Variants in SYT12 observed in about 807,000 individuals in gnomAD.
The protein encoded by SYT12 is synaptotagmin-12.
In SYT12, 27 loss-of-function variants were observed where a neutral mutation model predicts 39.5. The observed-to-expected ratio is 0.68, with a 90% CI of 0.50 to 0.94. SYT12 has a LOEUF of 0.94. SYT12 is among the 40% of genes least tolerant of loss of function. SYT12 has a pLI of 0.00. For synonymous variants in SYT12, 233 were observed against 239.7 expected (o/e 0.97, Z 0.26); for missense variants, 536 against 572.6 (o/e 0.94, Z 0.65).
At chr11:67,033,129 T>C (rs1358472890) in intron 2 of SYT12, among the ~76,000 whole-genome samples, 1 of 152,026 alleles carries the variant, frequency 6.6e-6, no homozygotes, top group African/African-American at 2.4e-5. Flanking sequence ...GGAACTCCTC[T>C]AGCCCCGGGT....
chr11:67,020,947 T>C (rs2136198900), upstream of SYT12, among the ~76,000 whole-genome samples: 1 of 152,324 alleles, frequency 6.6e-6, no homozygotes, highest in African/African-American at 2.4e-5. Context: ...CAGGCTGGTC[T>C]CGAACTCCTG....
chr11:67,022,292 C>A (rs1411659537), upstream of SYT12, among the ~76,000 whole-genome samples: 1 of 151,834 alleles, frequency 6.6e-6, no homozygotes, highest in Non-Finnish European at 1.5e-5. Context: ...GCACTGCCAC[C>A]CTTGCACACT....
intron 3 of SYT12, among the ~76,000 whole-genome samples, chr11:67,036,109 G>A (rs975230325): frequency 3.3e-5 from 5 of 151,432 alleles, no homozygotes; most frequent in African/African-American, 1.2e-4. Flanking sequence ...GTAGAGACGG[G>A]GTTTCACCAT....
At position 67,034,672 on chromosome 11, in the gene SYT12, T is replaced by C. The variant is rs748716248; in HGVS notation, c.62T>C (p.Val21Ala). 2 of 1,595,632 alleles carry C rather than the reference T, an allele frequency of 1.3e-6. No homozygotes were observed. Among genetic ancestry groups the C allele is most frequent in the African/African-American group, 1.4e-5 (1 of 73,770 alleles). ...ATCAAGAGCCCCCCTGGCTGGGAGG[T>C]GGGTGTCTATGCTGCAGGGGCCCTG... ...SVIKSPPGWE[V>A]GVYAAGALAL... The change falls in exon 3 of 8, where the codon GTG becomes GCG. Residue 21 changes from valine to alanine, a missense_variant. Val to Ala is a moderately conservative substitution (Grantham distance 64). Coordinates refer to ENST00000527043, the MANE Select transcript of SYT12 (RefSeq NM_177963.4).
At chr11:67,010,798 C>T (rs1950008210) in intron 2 of SYT12, 1 of 152,202 alleles carries the variant, frequency 6.6e-6, no homozygotes, top group Non-Finnish European at 1.5e-5. Context: ...ATGGTGCCCA[C>T]ACCTTTTTTT....
At chr11:67,035,647 C>CG (rs1950347872) in intron 3 of SYT12, among the ~76,000 whole-genome samples, 1 of 150,852 alleles carries the variant, frequency 6.6e-6, no homozygotes, top group Non-Finnish European at 1.5e-5. Context: ...TTAGTAGAGA[C>CG]GGGGTTTCAC....
Position 67,038,909 on chromosome 11 carries a change from C to T in SYT12, c.229-902C>T, listed in dbSNP as rs548102716. On this transcript the variant is annotated intron_variant, in intron 3 of 7. Coordinates refer to ENST00000527043, the MANE Select transcript of SYT12 (RefSeq NM_177963.4). The stretch of plus-strand genomic sequence containing the variant: ...GGCTGAGGCAGGAGAATTGCTTGAA[C>T]CCAGGAGGCAGAGGTTGCAGTGAGG... Among the ~76,000 whole-genome samples, 1,484 of 151,988 alleles carry T rather than the reference C, an allele frequency of 9.8e-3. 17 individuals carry two copies. The highest frequency in any genetic ancestry group is 0.017 in the Non-Finnish European group (1,152 of 67,966).
intron 7 of SYT12, among the ~76,000 whole-genome samples, chr11:67,047,778 T>TC (rs1182907154): frequency 3.0e-5 from 2 of 65,678 alleles, no homozygotes; most frequent in African/African-American, 1.0e-4. Flanking sequence ...CCCCCATCTC[T>TC]TTTTTTTTTT....
intron 3 of SYT12, among the ~76,000 whole-genome samples, chr11:67,015,038 T>C (rs924669944): frequency 2.6e-5 from 4 of 152,208 alleles, no homozygotes; most frequent in African/African-American, 7.2e-5. Context: ...ACTTTCTAGA[T>C]GCAAGTCCGC....
chr11:67,007,379 C>A (rs529787890), exon 1 of SYT12: 3 of 152,382 alleles, frequency 2.0e-5, no homozygotes, highest in South Asian at 2.1e-4. Context: ...CAGGGGCCTC[C>A]CTCTCAGGTT....
At chr11:67,025,456 T>C (rs1374509183) in intron 1 of SYT12, among the ~76,000 whole-genome samples, 1 of 151,904 alleles carries the variant, frequency 6.6e-6, no homozygotes, top group East Asian at 1.9e-4. Context: ...TCAGTGAGGG[T>C]CTGGAGCCAC....
intron 3 of SYT12, among the ~76,000 whole-genome samples, chr11:67,015,306 C>T (rs1253161873): frequency 1.3e-5 from 2 of 152,226 alleles, no homozygotes; most frequent in Admixed American, 6.5e-5. Flanking sequence ...AGAGCAAGTC[C>T]CTGCCACCCC....
chr11:67,048,925 G>A lies in SYT12; in HGVS notation c.*168G>A. On this transcript the variant is annotated 3_prime_UTR_variant, in exon 8 of 8. Transcript: ENST00000527043. Reference sequence around the variant, plus strand: ...CTGTCCAGATTGCAGCAGAGGAGTGGGCGTGGCTCTGTGTCCAGGGCCCCA... The same window carrying A: ...CTGTCCAGATTGCAGCAGAGGAGTGAGCGTGGCTCTGTGTCCAGGGCCCCA... 1 of 787,578 alleles carries A rather than the reference G, an allele frequency of 1.3e-6. No individual in the cohort carries two copies. The highest frequency in any genetic ancestry group is 1.9e-6 in the Non-Finnish European group (1 of 516,314). 48.8% of individuals were successfully genotyped at this position (787,578 alleles called of 1,614,324 possible).
chr11:67,037,797 G>A (rs1025774805), intron 3 of SYT12, among the ~76,000 whole-genome samples: 1 of 150,944 alleles, frequency 6.6e-6, no homozygotes, highest in Admixed American at 6.6e-5. Flanking sequence ...CAGGAGAATC[G>A]CTTGAACCCA....
intron 7 of SYT12, among the ~76,000 whole-genome samples, chr11:67,047,937 G>A (rs536487663): frequency 5.1e-4 from 76 of 149,952 alleles, no homozygotes; most frequent in Non-Finnish European, 8.4e-4. Context: ...ACAGGTGCCC[G>A]CCACCAGGCC....
At chr11:67,016,546 A>G (rs1437746438) in intron 3 of SYT12, among the ~76,000 whole-genome samples, 1 of 152,228 alleles carries the variant, frequency 6.6e-6, no homozygotes. Context: ...TTCTTTAAAT[A>G]TGCTAAAACA....
At chr11:67,011,701 C>A (rs1216401707) in intron 3 of SYT12, among the ~76,000 whole-genome samples, 3 of 152,146 alleles carry the variant, frequency 2.0e-5, no homozygotes, top group Non-Finnish European at 4.4e-5. Context: ...TTTTCCCACC[C>A]ACCTTGCCTG....
intron 1 of SYT12, among the ~76,000 whole-genome samples, chr11:67,009,194 T>TG (rs1949994122): frequency 6.6e-6 from 1 of 152,128 alleles, no homozygotes; most frequent in South Asian, 2.1e-4. Context: ...TTTGTAAAGA[T>TG]GGGGTCTCAC....
rs552434520 is a variant in SYT12, at chr11:67,040,266, G to A, written c.621+63G>A. ...GGCTCACTAGATGCCTCCCAGGCAG[G>A]CATGGCGGTGGGGCCCGGCAGGATC... On this transcript the variant is annotated intron_variant, in intron 4 of 7. Transcript: ENST00000527043. 14 of 1,520,306 alleles carry A rather than the reference G, an allele frequency of 9.2e-6. No individual in the cohort carries two copies. In the East Asian group the frequency reaches 2.0e-4, roughly 22 times the overall value. 94.2% of individuals were successfully genotyped at this position (1,520,306 alleles called of 1,614,324 possible).
Sources: allele counts gnomAD v4.1 joint callset (sites outside exome capture counted in the v4.1 genomes callset), GRCh38; gene constraint gnomAD v4.1.1; transcripts MANE v1.5; gene names NCBI Gene and HGNC (gene_info 2026-07-23, HGNC 2026-07-21).